Variants in MITF observed in about 807,000 individuals in gnomAD.
MITF encodes the protein microphthalmia-associated transcription factor.
A neutral mutation model predicts 60.5 loss-of-function variants in MITF; 17 were observed. That is an observed-to-expected ratio of 0.28 (90% CI 0.19 to 0.42). The LOEUF is 0.42. Among genes scored for constraint, MITF ranks in the 10% least tolerant of loss-of-function variants. The probability of loss-of-function intolerance (pLI) is 1.00; values close to 1 mark genes in which losing one functional copy is unlikely to be tolerated. For missense variants in MITF, 622 were observed against 683.5 expected (o/e 0.91, Z 1.00); for synonymous variants, 260 against 248.5 (o/e 1.05, Z -0.43).
chr3:69,791,266 C>G (rs563913215), intron 1 of MITF, among the ~76,000 whole-genome samples: 10 of 152,274 alleles, frequency 6.6e-5, no homozygotes, highest in African/African-American at 2.2e-4. Flanking sequence ...ATTGTGAAAT[C>G]CGGCCTCCGC....
chr3:69,890,419 A>T (rs2064733527), intron 2 of MITF, among the ~76,000 whole-genome samples: 1 of 152,136 alleles, frequency 6.6e-6, no homozygotes, highest in Non-Finnish European at 1.5e-5. Context: ...TGTGTTAAAG[A>T]TGTCTAAAGT....
At chr3:69,867,042 T>G (rs2064129633) in intron 1 of MITF, among the ~76,000 whole-genome samples, 1 of 152,158 alleles carries the variant, frequency 6.6e-6, no homozygotes, top group Non-Finnish European at 1.5e-5. Context: ...CAGAGTATAG[T>G]TCCCCCCACA....
intron 1 of MITF, among the ~76,000 whole-genome samples, chr3:69,792,845 TA>T (rs1376236159): frequency 6.6e-6 from 1 of 152,020 alleles, no homozygotes; most frequent in Non-Finnish European, 1.5e-5. Context: ...TCTCCTCCAC[TA>T]AAAAGATAGC....
chr3:69,951,943 A>G (rs979538738), intron 7 of MITF, 57 bp downstream of exon 7: 14 of 1,325,620 alleles, frequency 1.1e-5, no homozygotes, highest in East Asian at 2.4e-5. Context: ...CCATATATCA[A>G]AAATGTTTCC....
chr3:69,914,801 A>T (rs1575951698), intron 2 of MITF, among the ~76,000 whole-genome samples: 1 of 152,206 alleles, frequency 6.6e-6, no homozygotes, highest in African/African-American at 2.4e-5. Flanking sequence ...TTTGCAACCC[A>T]TGACCTCATT....
intron 4 of MITF, 129 bp from the exon 5 acceptor site, chr3:69,941,107 C>T: frequency 1.6e-6 from 1 of 642,134 alleles, no homozygotes. Context: ...GGAAAGAGGA[C>T]AGTTACTTCT....
intron 1 of MITF, among the ~76,000 whole-genome samples, chr3:69,795,447 T>C (rs1422379438): frequency 6.6e-6 from 1 of 152,222 alleles, no homozygotes; most frequent in African/African-American, 2.4e-5. Context: ...AAATCTAGGC[T>C]GGGCATAGCG....
chr3:69,855,092 C>T (rs1277056410), intron 1 of MITF, among the ~76,000 whole-genome samples: 11 of 151,042 alleles, frequency 7.3e-5, no homozygotes, highest in Admixed American at 6.6e-4. Context: ...ATCAGTTTTA[C>T]CCCCCGCCCC....
At chr3:69,842,252 G>A (rs558256863) in intron 1 of MITF, among the ~76,000 whole-genome samples, 62 of 152,164 alleles carry the variant, frequency 4.1e-4, no homozygotes, top group African/African-American at 1.4e-3. Flanking sequence ...GACAACACAC[G>A]ATGTATAGGA....
At chr3:69,805,397 A>G (rs1370652365) in intron 1 of MITF, among the ~76,000 whole-genome samples, 1 of 152,166 alleles carries the variant, frequency 6.6e-6, no homozygotes, top group South Asian at 2.1e-4. Context: ...TGGGTGGAGC[A>G]AAAAAGAATG....
Position 69,967,310 on chromosome 3 carries a change from T to C in MITF, c.*2062T>C, listed in dbSNP as rs754001409. 2 of 232,440 alleles carry C rather than the reference T, an allele frequency of 8.6e-6. No individual in the cohort carries two copies. The highest frequency in any genetic ancestry group is 2.2e-5 in the African/African-American group (1 of 45,276). 14.4% of individuals were successfully genotyped at this position (232,440 alleles called of 1,614,324 possible). A position where few individuals can be genotyped will look rare whatever the true frequency, so the allele number is the denominator to read the frequency against. ...TAACTGTATAGCTCTTTTCCTAGAA[T>C]AGTGACGCAAATCTGCATGAACAGC... On this transcript the variant is annotated 3_prime_UTR_variant, in exon 10 of 10. Coordinates refer to ENST00000352241, the MANE Select transcript of MITF (RefSeq NM_001354604.2).
intron 1 of MITF, among the ~76,000 whole-genome samples, chr3:69,776,389 G>A (rs1369870723): frequency 6.6e-6 from 1 of 152,212 alleles, no homozygotes; most frequent in Admixed American, 6.5e-5. Flanking sequence ...TGGAGGGCCT[G>A]GCTTCTGAAT....
intron 1 of MITF, among the ~76,000 whole-genome samples, chr3:69,762,325 A>C (rs1403230636): frequency 6.6e-6 from 1 of 152,222 alleles, no homozygotes; most frequent in Non-Finnish European, 1.5e-5. Flanking sequence ...CTTTTAATTA[A>C]TGAGAGAGGA....
At chr3:69,804,204 A>G (rs1289074972) in intron 1 of MITF, among the ~76,000 whole-genome samples, 1 of 152,186 alleles carries the variant, frequency 6.6e-6, no homozygotes, top group Non-Finnish European at 1.5e-5. Flanking sequence ...GTTACGACAG[A>G]CAATGTAAGA....
At chr3:69,949,982 T>C (rs943788552) in intron 6 of MITF, among the ~76,000 whole-genome samples, 1 of 152,118 alleles carries the variant, frequency 6.6e-6, no homozygotes, top group Non-Finnish European at 1.5e-5. Flanking sequence ...TTAAAAAAAT[T>C]TTTTTTAGAA....
intron 1 of MITF, among the ~76,000 whole-genome samples, chr3:69,863,241 G>T (rs1219387326): frequency 6.6e-6 from 1 of 152,180 alleles, no homozygotes; most frequent in East Asian, 1.9e-4. Flanking sequence ...TTGAGGAGCA[G>T]TATTTTAGTG....
At chr3:69,837,530 A>G (rs1156587118) in intron 1 of MITF, among the ~76,000 whole-genome samples, 1 of 152,242 alleles carries the variant, frequency 6.6e-6, no homozygotes, top group Non-Finnish European at 1.5e-5. Context: ...GTTCGTGTGT[A>G]TTTAAAAAAT....
chr3:69,747,849 C>T (rs910082188), intron 1 of MITF, among the ~76,000 whole-genome samples: 6 of 152,164 alleles, frequency 3.9e-5, no homozygotes, highest in African/African-American at 1.4e-4. Flanking sequence ...TAATGTCTGA[C>T]CATAGTTTTT....
At chr3:69,776,055 G>C (rs1172076814) in intron 1 of MITF, among the ~76,000 whole-genome samples, 1 of 152,246 alleles carries the variant, frequency 6.6e-6, no homozygotes, top group African/African-American at 2.4e-5. Context: ...GAGTTTTAAA[G>C]AGGTGGAAAA....
Sources: allele counts gnomAD v4.1 joint callset (sites outside exome capture counted in the v4.1 genomes callset), GRCh38; gene constraint gnomAD v4.1.1; transcripts MANE v1.5; gene names NCBI Gene and HGNC (gene_info 2026-07-23, HGNC 2026-07-21).